The following RNF214 variants were observed in gnomAD, a reference collection of about 807,000 sequenced individuals.
The protein encoded by RNF214 is ring finger protein 214.
RNF214 carries 25 observed loss-of-function variants against 75.9 expected under a neutral mutation model. That is an observed-to-expected ratio of 0.33 (90% confidence interval 0.24 to 0.46). The LOEUF is 0.46. Among genes scored for constraint, RNF214 ranks in the 20% least tolerant of loss-of-function variants. The pLI is 1.00. For missense variants in RNF214, 725 were observed against 857.5 expected (o/e 0.85, Z 1.93); for synonymous variants, 314 against 308.8 (o/e 1.02, Z -0.18).
At chr11:117,264,759 G>A (rs931753430) in intron 6 of RNF214, among the ~76,000 whole-genome samples, 3 of 151,948 alleles carry the variant, frequency 2.0e-5, no homozygotes, top group Admixed American at 6.6e-5. Context: ...GTTTCTGTAT[G>A]CTTTGTAGAC....
intron 14 of RNF214, among the ~76,000 whole-genome samples, chr11:117,283,489 T>C (rs1166216282): frequency 6.6e-6 from 1 of 151,422 alleles, no homozygotes; most frequent in Non-Finnish European, 1.5e-5. Context: ...GCCTCCTGAG[T>C]AGCTGGGACT....
chr11:117,241,450 C>T (rs929607154), intron 4 of RNF214, among the ~76,000 whole-genome samples: 1 of 151,746 alleles, frequency 6.6e-6, no homozygotes, highest in Non-Finnish European at 1.5e-5. Context: ...TGTGGTGGCG[C>T]ATGCCTCTAG....
intron 2 of RNF214, among the ~76,000 whole-genome samples, chr11:117,235,566 C>T (rs2929176): frequency 0.71 from 103,131 of 145,246 alleles, 38,043 homozygotes; most frequent in East Asian, 0.94. Flanking sequence ...TGGCGTGAAC[C>T]CAGCTCACTG....
At chr11:117,281,723 G>A (rs368370889) in intron 10 of RNF214, 25 bp downstream of exon 10, 562 of 1,577,418 alleles carry the variant, frequency 3.6e-4, no homozygotes, top group Non-Finnish European at 4.6e-4. Flanking sequence ...TTGGGGGGAA[G>A]TTCACCTTTC....
chr11:117,246,049 T>C (rs2033217290), intron 5 of RNF214, among the ~76,000 whole-genome samples: 1 of 152,176 alleles, frequency 6.6e-6, no homozygotes, highest in African/African-American at 2.4e-5. Flanking sequence ...CACCGTATCT[T>C]TGACTTTCTG....
intron 6 of RNF214, among the ~76,000 whole-genome samples, chr11:117,274,356 C>CTTTTTTTTT (rs11461326): frequency 3.8e-5 from 3 of 79,482 alleles, no homozygotes; most frequent in African/African-American, 4.8e-5. Context: ...CAAATGACTT[C>CTTTTTTTTT]TTTTTTTTTT....
intron 1 of RNF214, among the ~76,000 whole-genome samples, chr11:117,233,288 A>G (rs1481645996): frequency 1.3e-5 from 2 of 152,190 alleles, no homozygotes; most frequent in Non-Finnish European, 1.5e-5. Flanking sequence ...GGGAGCAGCA[A>G]TGGCGGTTTG....
At chr11:117,274,923 C>T (rs977154408) in intron 6 of RNF214, among the ~76,000 whole-genome samples, 1 of 152,074 alleles carries the variant, frequency 6.6e-6, no homozygotes, top group African/African-American at 2.4e-5. Context: ...AGTGATCCAC[C>T]CACCTCAGCC....
chr11:117,276,697 C>A (rs1028942565), intron 6 of RNF214, among the ~76,000 whole-genome samples: 1 of 152,154 alleles, frequency 6.6e-6, no homozygotes, highest in African/African-American at 2.4e-5. Context: ...TGGCAAAAAA[C>A]CCAAAGGAAA....
At chr11:117,246,697 A>T in intron 5 of RNF214, 112 bp from the exon 6 acceptor site, 1 of 1,118,436 alleles carries the variant, frequency 8.9e-7, no homozygotes, top group Non-Finnish European at 1.2e-6. Context: ...TTCAATTTGA[A>T]TTCACTAAAG....
chr11:117,234,004 G>C (rs1295834387), intron 1 of RNF214, among the ~76,000 whole-genome samples: 1 of 152,182 alleles, frequency 6.6e-6, no homozygotes, highest in East Asian at 1.9e-4. Context: ...CTACATTTCT[G>C]CCAAAAGTGA....
chr11:117,245,477 C>A (rs1184374163), intron 5 of RNF214, among the ~76,000 whole-genome samples: 2 of 150,946 alleles, frequency 1.3e-5, no homozygotes, highest in East Asian at 4.0e-4. Context: ...GTAGCTGGGA[C>A]TACAGGCGCC....
chr11:117,263,851 G>A, intron 6 of RNF214: 1 of 278,174 alleles, frequency 3.6e-6, no homozygotes, highest in South Asian at 3.3e-5. Context: ...GTCCCCCTGT[G>A]CTCAGTTCTA....
chr11:117,263,366 A>G (rs2134395399), intron 6 of RNF214, among the ~76,000 whole-genome samples: 1 of 151,484 alleles, frequency 6.6e-6, no homozygotes, highest in African/African-American at 2.4e-5. Context: ...ACCTCCGCCT[A>G]CTGGGTGCAA....
In RNF214 at chr11:117,236,654, T is replaced by C. The variant is rs903073909; in HGVS notation, c.108-1947T>C. On this transcript the variant is annotated intron_variant, in intron 2 of 14. Transcript: ENST00000300650. ...CTACAGTTCCATACGTGGTAACACATTTAATCTTCACAACAGTCCCAGGAG... is the reference window on the plus strand; with the variant it reads ...CTACAGTTCCATACGTGGTAACACACTTAATCTTCACAACAGTCCCAGGAG... Among the ~76,000 whole-genome samples the C allele has an allele frequency of 2.0e-5, 3 of 152,340 alleles. No homozygotes were observed. The South Asian group carries it at 6.2e-4, about 32-fold the overall frequency.
intron 5 of RNF214, among the ~76,000 whole-genome samples, chr11:117,245,384 G>C (rs1259830111): frequency 6.7e-6 from 1 of 148,966 alleles, no homozygotes. Flanking sequence ...CTGTCACCCA[G>C]GCTGGAGTGC....
rs138098858 is a variant in RNF214 at position 117,268,480 on chromosome 11, C to A, written c.960-11428C>A. ...CGGGGGGAGTCTTTTTTATTATTTT[C>A]AACAGGGAGAATTAAATCTCTTATT... is the stretch of plus-strand genomic sequence containing the variant. On this transcript the variant is annotated intron_variant, in intron 6 of 14. Transcript: ENST00000300650. 5.7e-3 allele frequency among the ~76,000 whole-genome samples: 875 copies of A among 152,206 alleles called. 9 individuals carry two copies. Among genetic ancestry groups the A allele is most frequent in the Middle Eastern group, 0.01 (3 of 294 alleles).
intron 6 of RNF214, among the ~76,000 whole-genome samples, chr11:117,278,768 C>T (rs1157965268): frequency 6.6e-6 from 1 of 152,102 alleles, no homozygotes; most frequent in Non-Finnish European, 1.5e-5. Flanking sequence ...TGCTTAGTAG[C>T]GAATTAGTGA....
At chr11:117,283,658 C>CT (rs764482918) in intron 14 of RNF214, among the ~76,000 whole-genome samples, 117 of 151,474 alleles carry the variant, frequency 7.7e-4, no homozygotes, top group Non-Finnish European at 1.5e-3. Flanking sequence ...CGTGCCCAGC[C>CT]TTTTTTTTGT....
Sources: allele counts gnomAD v4.1 joint callset (sites outside exome capture counted in the v4.1 genomes callset), GRCh38; gene constraint gnomAD v4.1.1; transcripts MANE v1.5; gene names NCBI Gene and HGNC (gene_info 2026-07-23, HGNC 2026-07-21).